Variants in ATM observed in about 807,000 individuals in gnomAD.
ATM encodes serine-protein kinase ATM.
ATM carries 308 observed loss-of-function variants against 387.0 expected under a neutral mutation model. That is an observed-to-expected ratio of 0.80 (90% CI 0.73 to 0.87). ATM has a LOEUF of 0.87. Among genes scored for constraint, ATM ranks in the 40% least tolerant of loss-of-function variants. ATM has a pLI of 0.00. For missense variants in ATM, 3,312 were observed against 3,560.9 expected, an observed-to-expected ratio of 0.93 and a Z score of 1.78; for synonymous variants, 1,156 against 1,187.3, an observed-to-expected ratio of 0.97 and a Z score of 0.54.
chr11:108,334,655 T>C (rs1248493168), intron 54 of ATM, among the ~76,000 whole-genome samples: 1 of 152,212 alleles, frequency 6.6e-6, no homozygotes, highest in Non-Finnish European at 1.5e-5. Context: ...TTTCGCTGAA[T>C]GTTTCCTTAA....
intron 6 of ATM, 29 bp downstream of exon 6, chr11:108,244,147 G>T (rs2079713601): frequency 6.2e-7 from 1 of 1,611,580 alleles, no homozygotes; most frequent in Non-Finnish European, 8.5e-7. Context: ...CTTTTGTTTT[G>T]TATTGAAATA....
At chr11:108,363,699 T>C (rs2091044644) in intron 61 of ATM, among the ~76,000 whole-genome samples, 2 of 152,216 alleles carry the variant, frequency 1.3e-5, no homozygotes, top group African/African-American at 4.8e-5. Context: ...GCTTAATCAG[T>C]CTGTATTCCT....
chr11:108,363,855 A>C (rs1166773819), intron 61 of ATM, among the ~76,000 whole-genome samples: 1 of 152,106 alleles, frequency 6.6e-6, no homozygotes, highest in African/African-American at 2.4e-5. Context: ...TTCTACTTCA[A>C]CCCAAGAAAA....
Position 108,319,755 on chromosome 11 carries a change from T to C in ATM, c.6348-199T>C, listed in dbSNP as rs191859460. On this transcript the variant is annotated intron_variant, in intron 43 of 62. Transcript: ENST00000675843. Reference sequence around the variant, plus strand: ...CATATTTAGAACCAGGCAGAGTATCTGAGTAATTTCCTTTTTTTCTGCTTA... The same window carrying C: ...CATATTTAGAACCAGGCAGAGTATCCGAGTAATTTCCTTTTTTTCTGCTTA... 2.8e-3 allele frequency among the ~76,000 whole-genome samples: 421 copies of C among 152,358 alleles called. 1 individual carries two copies. The highest frequency in any genetic ancestry group is 9.7e-3 in the African/African-American group (403 of 41,578).
chr11:108,285,746 C>T (rs592955), intron 26 of ATM, among the ~76,000 whole-genome samples: 1 of 151,884 alleles, frequency 6.6e-6, no homozygotes, highest in South Asian at 2.1e-4. Flanking sequence ...CAGAGGACTC[C>T]TTTCCCAAAG....
At chr11:108,291,284 A>T (rs1205541719) in intron 29 of ATM, among the ~76,000 whole-genome samples, 1 of 152,222 alleles carries the variant, frequency 6.6e-6, no homozygotes, top group Non-Finnish European at 1.5e-5. Context: ...GGGTTGTTCA[A>T]TTTAGCATCT....
At chr11:108,363,953 G>C (rs990148385) in intron 61 of ATM, among the ~76,000 whole-genome samples, 1 of 152,098 alleles carries the variant, frequency 6.6e-6, no homozygotes, top group Non-Finnish European at 1.5e-5. Context: ...GGTGAAACTG[G>C]TTTGGATCTC....
chr11:108,259,985 G>A (rs11212570), intron 16 of ATM, among the ~76,000 whole-genome samples: 11,044 of 149,010 alleles, frequency 0.074, 536 homozygotes, highest in East Asian at 0.15. Context: ...ATTCTATTGT[G>A]TGGTGATAGT....
chr11:108,328,273 GTCTC>G (rs1335330729), intron 48 of ATM, among the ~76,000 whole-genome samples: 1 of 152,068 alleles, frequency 6.6e-6, no homozygotes, highest in African/African-American at 2.4e-5. Flanking sequence ...TTGAGATGAA[GTCTC>G]TCTCTGTCGC....
intron 17 of ATM, 117 bp from the exon 18 acceptor site, chr11:108,268,293 C>G: frequency 1.2e-6 from 1 of 858,190 alleles, no homozygotes; most frequent in South Asian, 1.5e-5. Flanking sequence ...ATTAATTTCA[C>G]TATAATTTTG....
rs2087819658 is a variant in ATM at position 108,343,270 on chromosome 11, A to G, written c.8317A>G (p.Thr2773Ala). 1.2e-6 allele frequency: 2 copies of G among 1,613,900 alleles called. No individual in the cohort carries two copies. Among genetic ancestry groups the G allele is most frequent in the East Asian group, 2.2e-5 (1 of 44,888 alleles). The change falls in exon 57 of 63, where the codon ACT (threonine) becomes GCT (alanine). Residue 2773 changes from threonine (T) to alanine (A), a missense_variant. This residue lies in a region of ATM where 1,405 missense variants were observed against 1,604.4 expected (regional missense o/e 0.88). Coordinates refer to ENST00000675843, the MANE Select transcript of ATM (RefSeq NM_000051.4). ...RSGVLEWCTGTVPIGEFLVNN... is the reference protein window; with the variant it reads ...RSGVLEWCTGAVPIGEFLVNN... Reference sequence around the variant, plus strand: ...TGGTGTTCTTGAATGGTGCACAGGAACTGTCCCCATTGGTGAATTTCTTGT... The same window carrying G: ...TGGTGTTCTTGAATGGTGCACAGGAGCTGTCCCCATTGGTGAATTTCTTGT...
chr11:108,335,199 G>A lies in ATM; in HGVS notation c.8151+90G>A, dbSNP rs1227680905. 5 of 1,596,394 alleles carry A rather than the reference G, an allele frequency of 3.1e-6. No individual in the cohort carries two copies. Among genetic ancestry groups the A allele is most frequent in the Non-Finnish European group, 4.3e-6 (5 of 1,173,978 alleles). On this transcript the variant is annotated intron_variant, in intron 55 of 62. Transcript: ENST00000675843. ...TTCTTTCTGCTTTATTTGGGATTTT[G>A]TCTTTATTTTGAATACTTACAAATG... is the stretch of plus-strand genomic sequence containing the variant.
At chr11:108,258,633 T>C (rs1335375288) in intron 15 of ATM, among the ~76,000 whole-genome samples, 1 of 152,194 alleles carries the variant, frequency 6.6e-6, no homozygotes, top group African/African-American at 2.4e-5. Context: ...TAGTATTAGG[T>C]ACATGGCCAT....
At chr11:108,229,392 T>TC (rs2078902280) in intron 4 of ATM, 69 bp downstream of exon 4, 37 of 1,452,358 alleles carry the variant, frequency 2.5e-5, no homozygotes, top group Middle Eastern at 2.1e-4. Context: ...TTTTTTTTTT[T>TC]CAGATCATTT....
intron 58 of ATM, chr11:108,346,499 G>GT (rs879675361): frequency 2.0e-3 from 267 of 135,108 alleles, no homozygotes; most frequent in African/African-American, 3.3e-3. Context: ...TCTATTTGTT[G>GT]TTTTTTTTTT....
At chr11:108,289,535 T>C in intron 28 of ATM, 67 bp from the exon 29 acceptor site, 3 of 1,166,542 alleles carry the variant, frequency 2.6e-6, no homozygotes, top group East Asian at 2.5e-5. Flanking sequence ...AGAAAAAATA[T>C]AAAGTGTATT....
rs181269642 is a variant in ATM at position 108,260,690 on chromosome 11, G to A, written c.2466+1615G>A. 6.6e-5 allele frequency among the ~76,000 whole-genome samples: 10 copies of A among 152,298 alleles called. No homozygotes were observed. In the South Asian group the frequency reaches 1.0e-3, roughly 16 times the overall value. On this transcript the variant is annotated intron_variant, in intron 16 of 62. Coordinates refer to ENST00000675843, the MANE Select transcript of ATM (RefSeq NM_000051.4). The stretch of plus-strand genomic sequence containing the variant: ...GTCTACAGCTCCCAGCGTGAACGAC[G>A]CAGAAGACGGGTGATTTCTGCATTT...
chr11:108,244,455 T>A (rs2079730272), intron 6 of ATM, among the ~76,000 whole-genome samples: 1 of 152,202 alleles, frequency 6.6e-6, no homozygotes, highest in Admixed American at 6.6e-5. Context: ...TTGGAAGTAT[T>A]ACTGTTGTAC....
Position 108,301,638 on chromosome 11 carries a change from T to A in ATM, c.5178-10T>A, listed in dbSNP as rs1565476613. On this transcript the variant is annotated splice_polypyrimidine_tract_variant and intron_variant, in intron 34 of 62. Transcript: ENST00000675843. ...GTGTACTTGATAGGCATTTGAATTG[T>A]TTTTTTCAGTGTCAAAGTTCGATCA... is the stretch of plus-strand genomic sequence containing the variant. 6.2e-7 allele frequency: 1 copy of A among 1,613,132 alleles called. No individual in the cohort carries two copies. The highest frequency in any genetic ancestry group is 1.3e-5 in the African/African-American group (1 of 74,902).
Sources: allele counts gnomAD v4.1 joint callset (sites outside exome capture counted in the v4.1 genomes callset), GRCh38; gene constraint gnomAD v4.1.1; regional missense constraint gnomAD v4.1.1; transcripts MANE v1.5; gene names NCBI Gene and HGNC (gene_info 2026-07-23, HGNC 2026-07-21).